Variants in PRDM5 observed in about 807,000 individuals in gnomAD.
PRDM5 encodes the protein PR domain zinc finger protein 5.
A neutral mutation model predicts 81.2 loss-of-function variants in PRDM5; 56 were observed. The observed-to-expected ratio is 0.69, with a 90% CI of 0.56 to 0.86. The LOEUF (loss-of-function observed/expected upper bound fraction) is 0.86, where lower values mean the gene tolerates loss of function less well. PRDM5 is among the 40% of genes least tolerant of loss of function. PRDM5 has a pLI of 0.00. For missense variants in PRDM5, 697 were observed against 770.1 expected, an observed-to-expected ratio of 0.91 and a Z score of 1.12; for synonymous variants, 267 against 256.4, an observed-to-expected ratio of 1.04 and a Z score of -0.39.
At chr4:120,752,493 T>C (rs1744154879) in intron 14 of PRDM5, among the ~76,000 whole-genome samples, 2 of 152,144 alleles carry the variant, frequency 1.3e-5, no homozygotes, top group Admixed American at 1.3e-4. Flanking sequence ...TTTTGTGCAG[T>C]TAATGTCAGA....
chr4:120,811,627 T>C (rs1753849540), intron 7 of PRDM5, among the ~76,000 whole-genome samples, 178 bp from the exon 8 acceptor site: 1 of 152,120 alleles, frequency 6.6e-6, no homozygotes, highest in African/African-American at 2.4e-5. Flanking sequence ...TTTTTAATTA[T>C]TTTTAATTAG....
At chr4:120,722,908 C>G (rs914289750) in intron 14 of PRDM5, among the ~76,000 whole-genome samples, 11 of 152,306 alleles carry the variant, frequency 7.2e-5, no homozygotes, top group African/African-American at 2.4e-4. Context: ...ATGAGAAAAG[C>G]TGGGGCCACT....
intron 1 of PRDM5, among the ~76,000 whole-genome samples, chr4:120,919,893 A>C (rs1256056481): frequency 6.6e-6 from 1 of 152,158 alleles, no homozygotes; most frequent in Non-Finnish European, 1.5e-5. Context: ...TTTTCTTCTC[A>C]AAAGCTTTCT....
intron 13 of PRDM5, among the ~76,000 whole-genome samples, chr4:120,755,674 T>C (rs574142186): frequency 3.2e-4 from 49 of 152,278 alleles, no homozygotes; most frequent in African/African-American, 1.2e-3. Flanking sequence ...CAGTGACTAC[T>C]TTTCAACAAG....
At chr4:120,862,929 A>C (rs1289638609) in intron 2 of PRDM5, among the ~76,000 whole-genome samples, 4 of 151,774 alleles carry the variant, frequency 2.6e-5, no homozygotes, top group African/African-American at 9.7e-5. Context: ...GAGGCCAAGG[A>C]GGGTGACTCG....
At chr4:120,750,417 A>G (rs1337461880) in intron 14 of PRDM5, among the ~76,000 whole-genome samples, 1 of 152,186 alleles carries the variant, frequency 6.6e-6, no homozygotes, top group African/African-American at 2.4e-5. Flanking sequence ...TCTGTGGCAA[A>G]GGTACACAGG....
rs1756038626 is a variant in PRDM5 at position 120,826,705 on chromosome 4, C to T, written c.301-5360G>A. ...GGGAGGCTATTAAACTAAGCCAGGTCACAGATAGTGGTGACTCGATGAGGA... is the reference window on the plus strand; with the variant it reads ...GGGAGGCTATTAAACTAAGCCAGGTTACAGATAGTGGTGACTCGATGAGGA... On this transcript the variant is annotated intron_variant, in intron 3 of 15. Transcript: ENST00000264808. 2.0e-5 allele frequency among the ~76,000 whole-genome samples: 3 copies of T among 152,086 alleles called. No individual in the cohort carries two copies. The South Asian group carries it at 6.2e-4, about 32-fold the overall frequency.
chr4:120,892,154 C>T (rs973084406), intron 2 of PRDM5, among the ~76,000 whole-genome samples: 2 of 151,978 alleles, frequency 1.3e-5, no homozygotes, highest in African/African-American at 2.4e-5. Context: ...CTACTTGCAT[C>T]GCACTGTGGT....
chr4:120,920,699 C>T (rs1196906996), intron 1 of PRDM5, among the ~76,000 whole-genome samples: 1 of 152,206 alleles, frequency 6.6e-6, no homozygotes, highest in Non-Finnish European at 1.5e-5. Flanking sequence ...CATAACTAAA[C>T]ATCGATAATA....
intron 13 of PRDM5, among the ~76,000 whole-genome samples, chr4:120,755,670 C>T (rs1311318890): frequency 6.6e-6 from 1 of 152,160 alleles, no homozygotes; most frequent in Non-Finnish European, 1.5e-5. Context: ...GATCCAGTGA[C>T]TACTTTTCAA....
At chr4:120,849,329 C>T (rs1196022717) in intron 3 of PRDM5, among the ~76,000 whole-genome samples, 1 of 152,232 alleles carries the variant, frequency 6.6e-6, no homozygotes, top group East Asian at 1.9e-4. Context: ...TTGTTTATGA[C>T]TATCCATCCT....
At position 120,756,300 on chromosome 4, in the gene PRDM5, G is replaced by A. The variant is rs529629026; in HGVS notation, c.1538-1662C>T. ...AGCTTAAATCAGTGTGCATTGTTTT[G>A]AATTTGCGGTATTTATCCTTTGGTC... On this transcript the variant is annotated intron_variant, in intron 13 of 15. Transcript: ENST00000264808. 5.3e-5 allele frequency among the ~76,000 whole-genome samples: 8 copies of A among 152,112 alleles called. No individual in the cohort carries two copies. The South Asian group carries it at 1.7e-3, about 32-fold the overall frequency.
At chr4:120,779,562 A>C (rs183089374) in intron 12 of PRDM5, among the ~76,000 whole-genome samples, 9 of 152,292 alleles carry the variant, frequency 5.9e-5, no homozygotes, top group Non-Finnish European at 1.0e-4. Context: ...ACAGGAACCC[A>C]TATGCCCTAG....
At chr4:120,894,690 ATCT>A in intron 2 of PRDM5, among the ~76,000 whole-genome samples, 1 of 152,244 alleles carries the variant, frequency 6.6e-6, no homozygotes, top group Admixed American at 6.5e-5. Context: ...AAAACTGAGA[ATCT>A]TCTTTCCTTT....
intron 1 of PRDM5, among the ~76,000 whole-genome samples, chr4:120,918,950 C>T (rs1425336337): frequency 6.6e-6 from 1 of 152,200 alleles, no homozygotes; most frequent in Non-Finnish European, 1.5e-5. Context: ...TTGCAGCCTG[C>T]CAAGTGGCCA....
intron 14 of PRDM5, among the ~76,000 whole-genome samples, chr4:120,742,571 G>C (rs1463086286): frequency 2.0e-5 from 3 of 152,126 alleles, no homozygotes; most frequent in Non-Finnish European, 4.4e-5. Context: ...AACCAATACA[G>C]AGAAGTGCTT....
intron 1 of PRDM5, among the ~76,000 whole-genome samples, chr4:120,915,224 A>C (rs1723990859): frequency 6.6e-6 from 1 of 152,222 alleles, no homozygotes; most frequent in African/African-American, 2.4e-5. Context: ...TGAGAATGAT[A>C]AACTGCAAAA....
Position 120,818,411 on chromosome 4 carries a change from C to G in PRDM5, c.592G>C (p.Glu198Gln), listed in dbSNP as rs886059043. ...TLHQKPTEEK[E>Q]FKCKNCGKKF... ...TTCCCACAGTTCTTGCACTTAAATTCTTTCTCCTCTGTGGGTTTCTGGTGC... is the reference window on the plus strand; with the variant it reads ...TTCCCACAGTTCTTGCACTTAAATTGTTTCTCCTCTGTGGGTTTCTGGTGC... The change falls in exon 5 of 16, where the codon GAA (glutamate) becomes CAA (glutamine). Residue 198 changes from glutamate (E) to glutamine (Q), a missense_variant. Around this residue, in one of 3 missense-constraint regions of PRDM5, gnomAD observed 577 missense variants for 606.7 expected, o/e 0.95. Transcript: ENST00000264808. 7 of 1,613,944 alleles carry G rather than the reference C, an allele frequency of 4.3e-6. No homozygotes were observed. The highest frequency in any genetic ancestry group is 5.1e-6 in the Non-Finnish European group (6 of 1,179,980).
At chr4:120,787,095 A>G (rs866079441) in intron 10 of PRDM5, among the ~76,000 whole-genome samples, 75 of 152,342 alleles carry the variant, frequency 4.9e-4, no homozygotes, top group African/African-American at 1.7e-3. Flanking sequence ...ATGGAGAAAA[A>G]TAAAGCAAGA....
Sources: allele counts gnomAD v4.1 joint callset (sites outside exome capture counted in the v4.1 genomes callset), GRCh38; gene constraint gnomAD v4.1.1; regional missense constraint gnomAD v4.1.1; transcripts MANE v1.5; gene names NCBI Gene and HGNC (gene_info 2026-07-23, HGNC 2026-07-21).